The following CRACD variants were observed in gnomAD, a reference collection of about 807,000 sequenced individuals.
CRACD encodes the protein capping protein inhibiting regulator of actin dynamics, also known as capping protein-inhibiting regulator of actin dynamics.
In CRACD, 56 loss-of-function variants were observed where a neutral mutation model predicts 106.8. The observed-to-expected ratio is 0.52, with a 90% CI of 0.42 to 0.66. The LOEUF is 0.66. Among genes scored for constraint, CRACD ranks in the 30% least tolerant of loss-of-function variants. The probability of loss-of-function intolerance (pLI) is 0.00; values close to 1 mark genes in which losing one functional copy is unlikely to be tolerated. For synonymous variants in CRACD, 754 were observed against 670.8 expected (o/e 1.12, Z -1.92); for missense variants, 1,730 against 1,623.2 (o/e 1.07, Z -1.13).
At chr4:56,292,670 G>T (rs573761408) in intron 3 of CRACD, among the ~76,000 whole-genome samples, 3 of 151,976 alleles carry the variant, frequency 2.0e-5, no homozygotes, top group Admixed American at 2.0e-4. Context: ...GACTACAGGC[G>T]CCTGCCACCA....
At chr4:56,206,800 GC>G (rs1738143592) in intron 2 of CRACD, among the ~76,000 whole-genome samples, 1 of 152,112 alleles carries the variant, frequency 6.6e-6, no homozygotes, top group African/African-American at 2.4e-5. Flanking sequence ...AGGCTTTACT[GC>G]CACTCTCATG....
At chr4:56,224,876 C>A (rs1166737393) in intron 2 of CRACD, among the ~76,000 whole-genome samples, 1 of 152,196 alleles carries the variant, frequency 6.6e-6, no homozygotes. Flanking sequence ...ATCTCCCTTA[C>A]CTTGAAGCTG....
chr4:56,050,530 G>A (rs1465451709), intron 1 of CRACD, among the ~76,000 whole-genome samples: 1 of 151,994 alleles, frequency 6.6e-6, no homozygotes, highest in African/African-American at 2.4e-5. Flanking sequence ...TGTGACTCAG[G>A]AATCTGAATA....
intron 2 of CRACD, among the ~76,000 whole-genome samples, chr4:56,250,820 CAGTATACTAATATTACTAT>C (rs1194452045): frequency 6.6e-6 from 1 of 152,208 alleles, no homozygotes; most frequent in East Asian, 1.9e-4. Context: ...AAGTTTAATA[CAGTATACTAATATTACTAT>C]CTATGGAAAA....
Position 56,197,867 on chromosome 4 carries a change from C to T in CRACD, c.-189+18437C>T, listed in dbSNP as rs544258918. 2.3e-4 allele frequency among the ~76,000 whole-genome samples: 35 copies of T among 152,138 alleles called. No homozygotes were observed. In the South Asian group the frequency reaches 6.9e-3, roughly 30 times the overall value. ...TAATTTTTTGTATTTTTAGTAGAGA[C>T]GGGGTTTCACCGTGTTAGCCAGGAT... On this transcript the variant is annotated intron_variant, in intron 2 of 10. Transcript: ENST00000682029.
At chr4:56,200,485 C>T (rs572349096) in intron 2 of CRACD, among the ~76,000 whole-genome samples, 15 of 152,262 alleles carry the variant, frequency 9.9e-5, no homozygotes, top group African/African-American at 3.6e-4. Context: ...ATATGAGTCA[C>T]CCTTCAGAAG....
At chr4:56,216,438 A>G (rs1738683256) in intron 2 of CRACD, among the ~76,000 whole-genome samples, 2 of 152,164 alleles carry the variant, frequency 1.3e-5, no homozygotes, top group Admixed American at 6.5e-5. Context: ...TAAGACAATG[A>G]TGTGTATTGA....
chr4:56,098,679 T>C (rs1362261999), intron 1 of CRACD, among the ~76,000 whole-genome samples: 1 of 152,136 alleles, frequency 6.6e-6, no homozygotes, highest in East Asian at 1.9e-4. Context: ...GACCTCCACA[T>C]TGAAACTTGG....
intron 10 of CRACD, among the ~76,000 whole-genome samples, chr4:56,326,899 C>A (rs1746484125): frequency 6.6e-6 from 1 of 152,106 alleles, no homozygotes; most frequent in South Asian, 2.1e-4. Context: ...GCCAACAAGC[C>A]TGGCTACTTT....
Position 56,114,543 on chromosome 4 carries a change from T to A in CRACD, c.-335-64741T>A, listed in dbSNP as rs187040652. ...TAGATTGTGAGTGACTTTGGATAGA[T>A]TATCTATAAAATAAATTTCAGAAAA... On this transcript the variant is annotated intron_variant, in intron 1 of 10. Coordinates refer to ENST00000682029, the MANE Select transcript of CRACD (RefSeq NM_001393381.1). Among the ~76,000 whole-genome samples the A allele has an allele frequency of 1.4e-4, 21 of 152,180 alleles. No homozygotes were observed. In the East Asian group the frequency reaches 4.1e-3, roughly 30 times the overall value.
At chr4:56,147,958 C>T (rs1735445939) in intron 1 of CRACD, among the ~76,000 whole-genome samples, 1 of 152,128 alleles carries the variant, frequency 6.6e-6, no homozygotes, top group South Asian at 2.1e-4. Context: ...TGGGCCCTAA[C>T]CCAATATGAC....
intron 4 of CRACD, among the ~76,000 whole-genome samples, chr4:56,298,882 G>A (rs924394554): frequency 1.3e-5 from 2 of 152,076 alleles, no homozygotes; most frequent in Admixed American, 6.5e-5. Context: ...GCAGTGAGCC[G>A]AGATCATGCC....
At chr4:56,275,389 G>A (rs1406584047) in intron 3 of CRACD, among the ~76,000 whole-genome samples, 1 of 152,094 alleles carries the variant, frequency 6.6e-6, no homozygotes, top group African/African-American at 2.4e-5. Flanking sequence ...AGGAGTTCAA[G>A]GCTATAGTGC....
chr4:56,083,359 T>C (rs532577363), intron 1 of CRACD, among the ~76,000 whole-genome samples: 19 of 152,222 alleles, frequency 1.2e-4, no homozygotes, highest in South Asian at 1.0e-3. Context: ...TACTCACTTT[T>C]GTGAAGATAA....
intron 1 of CRACD, among the ~76,000 whole-genome samples, chr4:56,164,360 T>C (rs1260406965): frequency 3.0e-4 from 45 of 151,248 alleles, no homozygotes; most frequent in Admixed American, 3.0e-3. Context: ...GGTCTCAATC[T>C]CCTGACCTCG....
chr4:56,316,372 T>A lies in CRACD; in HGVS notation c.2870T>A (p.Leu957Gln), dbSNP rs770076856. The change falls in exon 8 of 11, where the codon CTG becomes CAG. Residue 957 changes from leucine (L) to glutamine (Q), a missense_variant. Leu to Gln is a moderately radical substitution (Grantham distance 113). Transcript: ENST00000682029. Reference sequence around the variant, plus strand: ...GACAAGGCAGCAAACAAAATGCCACTGGCACAAAAGCCAGCACTGGCTCCC... The same window carrying A: ...GACAAGGCAGCAAACAAAATGCCACAGGCACAAAAGCCAGCACTGGCTCCC... ...EHDKAANKMP[L>Q]AQKPALAPKP... The A allele has an allele frequency of 4.3e-6, 7 of 1,614,088 alleles. No homozygotes were observed. The highest frequency in any genetic ancestry group is 3.3e-5 in the Admixed American group (2 of 60,028).
chr4:56,262,690 T>C (rs1048908359), intron 2 of CRACD, among the ~76,000 whole-genome samples: 1 of 152,192 alleles, frequency 6.6e-6, no homozygotes, highest in African/African-American at 2.4e-5. Context: ...AAATTTGCAC[T>C]TTCAGAACAA....
At chr4:56,141,871 A>AG (rs1735213977) in intron 1 of CRACD, among the ~76,000 whole-genome samples, 1 of 151,366 alleles carries the variant, frequency 6.6e-6, no homozygotes, top group Non-Finnish European at 1.5e-5. Context: ...TTAAAAAAAA[A>AG]TTATAGAGAT....
At chr4:56,311,873 TGTAG>T (rs1245782795) in intron 6 of CRACD, among the ~76,000 whole-genome samples, 48 of 152,252 alleles carry the variant, frequency 3.2e-4, no homozygotes, top group Admixed American at 3.1e-3. Context: ...GTGAATTCTC[TGTAG>T]GTACAGGCGT....
Sources: allele counts gnomAD v4.1 joint callset (sites outside exome capture counted in the v4.1 genomes callset), GRCh38; gene constraint gnomAD v4.1.1; transcripts MANE v1.5; gene names NCBI Gene and HGNC (gene_info 2026-07-23, HGNC 2026-07-21).